Variants in NAMPT observed in about 807,000 individuals in gnomAD.
NAMPT encodes the protein NAmPRTase.
A neutral mutation model predicts 58.7 loss-of-function variants in NAMPT; 7 were observed. The observed-to-expected ratio is 0.12, with a 90% CI of 0.07 to 0.22. The LOEUF (loss-of-function observed/expected upper bound fraction) is 0.22. Ranked by LOEUF, NAMPT falls within the 10% of genes least tolerant of loss-of-function variation. The pLI is 1.00. For synonymous variants in NAMPT, 145 were observed against 198.1 expected (o/e 0.73, Z 2.25); for missense variants, 271 against 567.9 (o/e 0.48, Z 5.31).
rs10255622 is a variant in NAMPT at position 106,249,108 on chromosome 7, C to G, written c.*1975G>C. 3 of 152,270 alleles carry G rather than the reference C, an allele frequency of 2.0e-5. No homozygotes were observed. The highest frequency in any genetic ancestry group is 2.1e-4 in the South Asian group (1 of 4,832). The allele number at this position is 152,270 out of a possible 1,614,324, so 9.4% of individuals were successfully genotyped here. A position where few individuals can be genotyped will look rare whatever the true frequency, so the allele number is the denominator to read the frequency against. On this transcript the variant is annotated 3_prime_UTR_variant, in exon 11 of 11. Coordinates refer to ENST00000222553, the MANE Select transcript of NAMPT (RefSeq NM_005746.3). ...TAATAGTTTCTTTTGATTCTTTACA[C>G]GCCCCTTAGCACATTTTGTGAAGAA...
intron 8 of NAMPT, among the ~76,000 whole-genome samples, chr7:106,256,401 A>T (rs1792200024): frequency 6.6e-6 from 1 of 152,258 alleles, no homozygotes; most frequent in Admixed American, 6.5e-5. Flanking sequence ...GACGTCAAGG[A>T]AGAAAACAAT....
At chr7:106,263,115 A>T (rs1312708166) in intron 7 of NAMPT, 1 of 408,018 alleles carries the variant, frequency 2.5e-6, no homozygotes, top group Admixed American at 4.2e-5. Flanking sequence ...GATTAATTAA[A>T]ATGGCAATGC....
intron 6 of NAMPT, among the ~76,000 whole-genome samples, chr7:106,267,876 A>AAAAAAAAAAAAAAAAC (rs1189395299): frequency 7.7e-6 from 1 of 130,394 alleles, no homozygotes; most frequent in Non-Finnish European, 1.7e-5. Context: ...AAAAAAAAAA[A>AAAAAAAAAAAAAAAAC]CAACCTGATT....
chr7:106,274,732 G>A (rs913044750), intron 3 of NAMPT, among the ~76,000 whole-genome samples: 9 of 152,152 alleles, frequency 5.9e-5, no homozygotes, highest in Admixed American at 3.3e-4. Flanking sequence ...GTGCGTGCCT[G>A]TAGTCCCAGC....
At chr7:106,260,571 T>G (rs771896968) in intron 8 of NAMPT, among the ~76,000 whole-genome samples, 3 of 152,260 alleles carry the variant, frequency 2.0e-5, no homozygotes, top group Non-Finnish European at 4.4e-5. Flanking sequence ...ACTTTTCCTT[T>G]GCATTCACAA....
intron 8 of NAMPT, among the ~76,000 whole-genome samples, chr7:106,255,300 T>C (rs1290497609): frequency 6.6e-6 from 1 of 152,220 alleles, no homozygotes; most frequent in Non-Finnish European, 1.5e-5. Context: ...TTCAATCACT[T>C]TGATGATAGA....
At chr7:106,272,963 CCTG>C (rs757414010) in intron 3 of NAMPT, among the ~76,000 whole-genome samples, 22 of 152,160 alleles carry the variant, frequency 1.4e-4, no homozygotes, top group Non-Finnish European at 1.5e-4. Flanking sequence ...TTGCTTCTTC[CCTG>C]CTTTTTCAGA....
At chr7:106,277,239 A>C in intron 1 of NAMPT, 60 bp from the exon 2 acceptor site, 1 of 1,384,030 alleles carries the variant, frequency 7.2e-7, no homozygotes, top group Non-Finnish European at 1.0e-6. Context: ...AAATCACAAC[A>C]GAAAAGGCTT....
chr7:106,252,957 T>TTA, intron 10 of NAMPT, 60 bp downstream of exon 10: 2 of 1,560,226 alleles, frequency 1.3e-6, no homozygotes, highest in Non-Finnish European at 1.7e-6. Flanking sequence ...CCTCCTTTCT[T>TTA]ATTAATTTGG....
Position 106,250,104 on chromosome 7 carries a change from C to T in NAMPT, c.*979G>A, listed in dbSNP as rs1327866249. 7.2e-5 allele frequency: 11 copies of T among 152,378 alleles called. No individual in the cohort carries two copies. Among genetic ancestry groups the T allele is most frequent in the African/African-American group, 1.7e-4 (7 of 41,384 alleles). The allele number at this position is 152,378 out of a possible 1,614,324, so 9.4% of individuals were successfully genotyped here. A position where few individuals can be genotyped will look rare whatever the true frequency, so the allele number is the denominator to read the frequency against. On this transcript the variant is annotated 3_prime_UTR_variant, in exon 11 of 11. Transcript: ENST00000222553. Reference sequence around the variant, plus strand: ...AATAAAAAATATAACAGAATTGAAACATTTAAGTACACTCACTACCCACTC... The same window carrying T: ...AATAAAAAATATAACAGAATTGAAATATTTAAGTACACTCACTACCCACTC...
rs41459451 is a variant in NAMPT, at chr7:106,277,327, AAAAT to A, written c.58-152_58-149del. The A allele has an allele frequency of 7.4e-3, 4,899 of 658,960 alleles. 324 individuals carry two copies. The Admixed American group carries it at 0.12, about 17-fold the overall frequency. The allele number at this position is 658,960 out of a possible 1,614,324, so 40.8% of individuals were successfully genotyped here. ...TTCTTTTCCTGGCTATACCAAATAA[AAAAT>A]AAGTATCTAAGATATTTTCAGAGTT... is the stretch of plus-strand genomic sequence containing the variant. On this transcript the variant is annotated intron_variant, in intron 1 of 10. Coordinates refer to ENST00000222553, the MANE Select transcript of NAMPT (RefSeq NM_005746.3).
At position 106,272,611 on chromosome 7, in the gene NAMPT, G is replaced by A. The variant is rs1238214095; in HGVS notation, c.366C>T (p.Gly122=). The stretch of plus-strand genomic sequence containing the variant: ...GAACATTTCCTCTGGGAATGACAAA[G>A]CCCTCAGGAACAGCTTTTATTTCTA... ...LPIEIKAVPE[G]FVIPRGNVLF... Residue 122 remains glycine, a synonymous_variant, in exon 4 of 11, where the codon GGC becomes GGT. Transcript: ENST00000222553. The A allele has an allele frequency of 6.2e-7, 1 of 1,613,094 alleles. No individual in the cohort carries two copies. Among genetic ancestry groups the A allele is most frequent in the East Asian group, 2.2e-5 (1 of 44,766 alleles).
At chr7:106,283,559 G>T (rs1300493860) in intron 1 of NAMPT, among the ~76,000 whole-genome samples, 4 of 152,028 alleles carry the variant, frequency 2.6e-5, no homozygotes, top group African/African-American at 4.8e-5. Flanking sequence ...ATTGAACCAA[G>T]AGAACACAAG....
Position 106,249,353 on chromosome 7 carries a change from G to C in NAMPT, c.*1730C>G, listed in dbSNP as rs1450445054. On this transcript the variant is annotated 3_prime_UTR_variant, in exon 11 of 11. Transcript: ENST00000222553. The stretch of plus-strand genomic sequence containing the variant: ...ACACTTCTAATTAGGTTATTCTAGT[G>C]ATCATTTTCTCATGTAACTATTTAA... 6.6e-6 allele frequency: 1 copy of C among 152,390 alleles called. No homozygotes were observed. The allele number at this position is 152,390 out of a possible 1,614,324, so 9.4% of individuals were successfully genotyped here.
intron 3 of NAMPT, among the ~76,000 whole-genome samples, chr7:106,274,074 T>C (rs752036118): frequency 6.6e-6 from 1 of 150,482 alleles, no homozygotes; most frequent in Non-Finnish European, 1.5e-5. Context: ...TGTCTTTGAG[T>C]GCCTTAATAT....
intron 8 of NAMPT, among the ~76,000 whole-genome samples, chr7:106,255,250 C>T (rs985055515): frequency 6.6e-6 from 1 of 152,172 alleles, no homozygotes; most frequent in Admixed American, 6.5e-5. Flanking sequence ...ATTTCTTTCA[C>T]CAAAGTCAAG....
rs1364017205 is a variant in NAMPT, at chr7:106,250,409, A to G, written c.*674T>C. Reference sequence around the variant, plus strand: ...AACAACCAAGATATATAATAACTGTACAGTGCCTAGACATTCCAGTAAGAA... The same window carrying G: ...AACAACCAAGATATATAATAACTGTGCAGTGCCTAGACATTCCAGTAAGAA... On this transcript the variant is annotated 3_prime_UTR_variant, in exon 11 of 11. Coordinates refer to ENST00000222553, the MANE Select transcript of NAMPT (RefSeq NM_005746.3). The G allele has an allele frequency of 1.3e-5, 2 of 152,576 alleles. No homozygotes were observed. Among genetic ancestry groups the G allele is most frequent in the Non-Finnish European group, 2.9e-5 (2 of 67,998 alleles). The allele number at this position is 152,576 out of a possible 1,614,324, so 9.5% of individuals were successfully genotyped here.
intron 3 of NAMPT, among the ~76,000 whole-genome samples, chr7:106,273,617 C>T (rs1792578895): frequency 6.6e-6 from 1 of 152,124 alleles, no homozygotes; most frequent in Non-Finnish European, 1.5e-5. Flanking sequence ...ACCTTTAGTT[C>T]CCCAAGATTT....
At chr7:106,277,208 A>G in intron 1 of NAMPT, 29 bp from the exon 2 acceptor site, 1 of 1,570,714 alleles carries the variant, frequency 6.4e-7, no homozygotes, top group Non-Finnish European at 8.7e-7. Flanking sequence ...TTCTGTTAGA[A>G]AACACCGATG....
Sources: gnomAD v4.1 joint callset for allele counts (sites outside exome capture counted in the v4.1 genomes callset) on GRCh38, gnomAD v4.1.1 for gene constraint, MANE v1.5 for transcripts, NCBI Gene and HGNC (gene_info 2026-07-23, HGNC 2026-07-21) for gene names.